Variants in COL19A1 observed in about 807,000 individuals in gnomAD.
COL19A1 encodes the protein collagen alpha-1(XIX) chain.
A neutral mutation model predicts 190.2 loss-of-function variants in COL19A1; 159 were observed. The observed-to-expected ratio is 0.84, with a 90% CI of 0.73 to 0.95. The LOEUF is 0.95. Among genes scored for constraint, COL19A1 ranks in the 40% least tolerant of loss-of-function variants. The pLI, the probability that COL19A1 is intolerant of heterozygous loss-of-function variation, is 0.00. For synonymous variants in COL19A1, 509 were observed against 458.9 expected (o/e 1.11, Z -1.39); for missense variants, 1,418 against 1,431.9 (o/e 0.99, Z 0.16).
chr6:70,005,000 T>C (rs947386953), intron 11 of COL19A1, among the ~76,000 whole-genome samples: 1 of 151,968 alleles, frequency 6.6e-6, no homozygotes, highest in Admixed American at 6.6e-5. Flanking sequence ...ACCCAGCTAA[T>C]ATTTTGTATT....
intron 2 of COL19A1, among the ~76,000 whole-genome samples, chr6:69,888,727 G>A (rs924892686): frequency 2.1e-4 from 31 of 149,980 alleles, no homozygotes; most frequent in Non-Finnish European, 2.4e-4. Context: ...GCAGTAAGCT[G>A]AGATAGCGCC....
chr6:69,990,029 A>T (rs374652980), intron 11 of COL19A1, among the ~76,000 whole-genome samples: 2 of 152,112 alleles, frequency 1.3e-5, no homozygotes. Flanking sequence ...CTTAATAATG[A>T]ATGTGTACAA....
chr6:70,157,016 G>A (rs1315237953), intron 34 of COL19A1, among the ~76,000 whole-genome samples: 1 of 152,014 alleles, frequency 6.6e-6, no homozygotes, highest in Non-Finnish European at 1.5e-5. Context: ...ATAAAAGTAA[G>A]GGAAAGGAGG....
intron 2 of COL19A1, among the ~76,000 whole-genome samples, chr6:69,888,586 G>GTTGGAGACC (rs1464763273): frequency 1.3e-5 from 2 of 151,926 alleles, no homozygotes; most frequent in Non-Finnish European, 2.9e-5. Context: ...AGGGTCAGGA[G>GTTGGAGACC]TTGGAGACCA....
intron 16 of COL19A1, among the ~76,000 whole-genome samples, chr6:70,119,339 A>G (rs1452034625): frequency 6.6e-6 from 1 of 152,178 alleles, no homozygotes; most frequent in African/African-American, 2.4e-5. Context: ...GCCTCTCTCA[A>G]CTACACGGTA....
Position 70,095,901 on chromosome 6 carries a change from A to T in COL19A1, c.1225-6268A>T, listed in dbSNP as rs959312800. ...TTTAAGGCTGAAAATATTCCATTGT[A>T]TGTTTGTACAACATTTTATTTATCC... is the stretch of plus-strand genomic sequence containing the variant. On this transcript the variant is annotated intron_variant, in intron 15 of 50. Transcript: ENST00000620364. Among the ~76,000 whole-genome samples, 4 of 152,136 alleles carry T rather than the reference A, an allele frequency of 2.6e-5. No individual in the cohort carries two copies. The East Asian group carries it at 7.7e-4, about 29-fold the overall frequency.
At chr6:70,193,939 A>G (rs1562261325) in intron 48 of COL19A1, among the ~76,000 whole-genome samples, 1 of 152,354 alleles carries the variant, frequency 6.6e-6, no homozygotes, top group South Asian at 2.1e-4. Context: ...CCATTTTCGG[A>G]AAGTTTTTTC....
rs757542472 is a variant in COL19A1, at chr6:70,199,692, G to A, written c.3179G>A (p.Gly1060Glu). ...GCTTATGGGAGACCTGGGCCACCAG[G>A]GAAGGATGGGTTGCCTGGGCCACCA... is the stretch of plus-strand genomic sequence containing the variant. ...AQAYGRPGPP[G>E]KDGLPGPPGD... Residue 1060 changes from glycine (G) to glutamate (E), a missense_variant, in exon 49 of 51, where the codon GGG (glycine) becomes GAG (glutamate). Gly to Glu is a moderately conservative substitution (Grantham distance 98). Coordinates refer to ENST00000620364, the MANE Select transcript of COL19A1 (RefSeq NM_001858.6). 1.2e-6 allele frequency: 2 copies of A among 1,610,844 alleles called. No homozygotes were observed. The highest frequency in any genetic ancestry group is 1.7e-6 in the Non-Finnish European group (2 of 1,178,074).
intron 2 of COL19A1, among the ~76,000 whole-genome samples, chr6:69,893,317 C>T (rs57751776): frequency 0.023 from 3,470 of 152,282 alleles, 131 homozygotes; most frequent in African/African-American, 0.077. Flanking sequence ...TAGAAACCAT[C>T]TTTTGAAAAG....
chr6:69,977,500 A>G (rs980319088), intron 11 of COL19A1, among the ~76,000 whole-genome samples: 7 of 152,046 alleles, frequency 4.6e-5, no homozygotes, highest in Admixed American at 3.3e-4. Flanking sequence ...CAGCACACCA[A>G]CATGGCACAT....
intron 11 of COL19A1, among the ~76,000 whole-genome samples, chr6:69,964,341 C>T (rs1774971651): frequency 6.6e-6 from 1 of 152,050 alleles, no homozygotes; most frequent in Non-Finnish European, 1.5e-5. Flanking sequence ...TCTTAGAAAT[C>T]CCTTGAACAT....
At chr6:69,966,441 C>T (rs1159898115) in intron 11 of COL19A1, among the ~76,000 whole-genome samples, 1 of 152,188 alleles carries the variant, frequency 6.6e-6, no homozygotes, top group Non-Finnish European at 1.5e-5. Context: ...ATTCTTCTGC[C>T]TTGGGATGCT....
At chr6:70,044,038 C>T (rs1461292018) in intron 14 of COL19A1, among the ~76,000 whole-genome samples, 1 of 152,210 alleles carries the variant, frequency 6.6e-6, no homozygotes, top group East Asian at 1.9e-4. Context: ...GCTTCTAGAT[C>T]AGCACTTAAT....
At chr6:69,932,426 T>G (rs1302914901) in intron 6 of COL19A1, among the ~76,000 whole-genome samples, 1 of 151,960 alleles carries the variant, frequency 6.6e-6, no homozygotes, top group Admixed American at 6.6e-5. Context: ...TTCTCCAATT[T>G]TTTTTTTATT....
At chr6:69,994,061 A>G (rs973450682) in intron 11 of COL19A1, among the ~76,000 whole-genome samples, 2 of 150,440 alleles carry the variant, frequency 1.3e-5, no homozygotes, top group African/African-American at 4.9e-5. Flanking sequence ...TTAATTTGAG[A>G]TTTTTCTAGC....
rs185885515 is a variant in COL19A1, at chr6:69,978,443, A to C, written c.1026+15573A>C. ...GACATTTTGTAAGACTCATTCCTTG[A>C]TATAAAGAATAATAAAGAAACCAAT... On this transcript the variant is annotated intron_variant, in intron 11 of 50. Transcript: ENST00000620364. Among the ~76,000 whole-genome samples, 70 of 152,178 alleles carry C rather than the reference A, an allele frequency of 4.6e-4. 1 individual carries two copies. Among genetic ancestry groups the C allele is most frequent in the African/African-American group, 1.7e-3 (69 of 41,570 alleles).
intron 4 of COL19A1, among the ~76,000 whole-genome samples, chr6:69,910,831 A>G (rs1033229343): frequency 3.3e-5 from 5 of 152,322 alleles, no homozygotes; most frequent in Middle Eastern, 3.4e-3. Context: ...GCATGTAAGC[A>G]TGTACTTCAG....
intron 4 of COL19A1, among the ~76,000 whole-genome samples, chr6:69,921,492 ATATATTCATATATATTCATATG>A (rs1332626686): frequency 9.9e-5 from 10 of 101,220 alleles, no homozygotes; most frequent in Non-Finnish European, 1.6e-4. Flanking sequence ...ATATATTCAT[ATATATTCATATATATTCATATG>A]TATATTCATA....
chr6:70,098,459 C>T, intron 15 of COL19A1: 1 of 510,718 alleles, frequency 2.0e-6, no homozygotes, highest in Non-Finnish European at 3.9e-6. Flanking sequence ...GAATCCACGC[C>T]TGAATCTGCG....
Sources: allele counts gnomAD v4.1 joint callset (sites outside exome capture counted in the v4.1 genomes callset), GRCh38; gene constraint gnomAD v4.1.1; transcripts MANE v1.5; gene names NCBI Gene and HGNC (gene_info 2026-07-23, HGNC 2026-07-21).